TOX: variants seen among roughly 807,000 people sequenced by gnomAD.
The protein encoded by TOX is thymocyte selection-associated high mobility group box protein TOX.
TOX carries 11 observed loss-of-function variants against 53.7 expected under a neutral mutation model. The ratio of observed to expected loss-of-function variants is 0.20; its 90% CI spans 0.13 to 0.34. The LOEUF (loss-of-function observed/expected upper bound fraction) is 0.34. TOX is among the 10% of genes least tolerant of loss of function. The pLI is 1.00. For missense variants in TOX, 570 were observed against 664.6 expected (o/e 0.86, Z 1.56); for synonymous variants, 225 against 245.3 (o/e 0.92, Z 0.77).
chr8:59,025,771 A>T (rs573128017), intron 1 of TOX, among the ~76,000 whole-genome samples: 1 of 152,012 alleles, frequency 6.6e-6, no homozygotes, highest in East Asian at 1.9e-4. Flanking sequence ...TTCCCCTCCA[A>T]TTTCATCCTC....
intron 5 of TOX, among the ~76,000 whole-genome samples, chr8:58,831,812 G>A (rs1191188485): frequency 1.3e-5 from 2 of 152,130 alleles, no homozygotes; most frequent in Non-Finnish European, 2.9e-5. Context: ...ATTAGCATGT[G>A]TGCTAAGGAT....
rs1012608450 is a variant in TOX, at chr8:59,117,726, G to A, written c.102+1160C>T. Among the ~76,000 whole-genome samples the A allele has an allele frequency of 6.6e-6, 1 of 152,254 alleles. No homozygotes were observed. The highest frequency in any genetic ancestry group is 2.4e-5 in the African/African-American group (1 of 41,470). The stretch of plus-strand genomic sequence containing the variant: ...AACGATTTTTCCCGTGGAATGCACC[G>A]AGGGTCGCCATGGATGTGCCTGCAG... On this transcript the variant is annotated intron_variant, in intron 1 of 8. Coordinates refer to ENST00000361421, the MANE Select transcript of TOX (RefSeq NM_014729.3). This position sits in a 1 kb window ranked among gnomAD's most constrained non-coding sequence, Gnocchi z 4.6.
chr8:58,837,854 C>T (rs1810572117), intron 5 of TOX, among the ~76,000 whole-genome samples: 1 of 152,002 alleles, frequency 6.6e-6, no homozygotes, highest in African/African-American at 2.4e-5. Context: ...CCAAAAGTAA[C>T]TAAACTATAT....
intron 1 of TOX, among the ~76,000 whole-genome samples, chr8:59,040,911 A>G (rs1436027994): frequency 2.6e-5 from 4 of 152,224 alleles, no homozygotes; most frequent in Non-Finnish European, 4.4e-5. Flanking sequence ...AACTGTGAGC[A>G]GGACACACCC....
chr8:59,012,275 A>G (rs1483353174), intron 1 of TOX, among the ~76,000 whole-genome samples: 1 of 152,134 alleles, frequency 6.6e-6, no homozygotes, highest in African/African-American at 2.4e-5. Context: ...GTCAGATGAT[A>G]TGTTTGTAGA....
intron 1 of TOX, among the ~76,000 whole-genome samples, chr8:58,966,932 T>C (rs1191530484): frequency 6.6e-6 from 1 of 150,404 alleles, no homozygotes; most frequent in African/African-American, 2.4e-5. Flanking sequence ...TGGAGTGCAG[T>C]GGCACGATCT....
chr8:59,061,196 G>T (rs1803978241), intron 1 of TOX, among the ~76,000 whole-genome samples: 1 of 152,214 alleles, frequency 6.6e-6, no homozygotes, highest in South Asian at 2.1e-4. Flanking sequence ...GTTTGAGTGT[G>T]TGCGTGTGTA....
intron 1 of TOX, among the ~76,000 whole-genome samples, chr8:59,008,354 TA>T (rs1225629494): frequency 6.6e-6 from 1 of 152,248 alleles, no homozygotes; most frequent in South Asian, 2.1e-4. Context: ...GGATAAAGAA[TA>T]AATAAGAAAC....
chr8:58,926,390 G>A (rs1164700162), intron 3 of TOX, among the ~76,000 whole-genome samples: 1 of 152,198 alleles, frequency 6.6e-6, no homozygotes, highest in African/African-American at 2.4e-5. Flanking sequence ...CTATCAAGAT[G>A]CTTTTGTGAT....
intron 1 of TOX, among the ~76,000 whole-genome samples, chr8:59,100,852 C>T (rs534833392): frequency 2.0e-5 from 3 of 152,044 alleles, no homozygotes; most frequent in African/African-American, 7.2e-5. Context: ...GCATGAACTC[C>T]CATTTTTTAT....
chr8:58,815,084 G>T (rs1167060004), intron 7 of TOX, among the ~76,000 whole-genome samples: 2 of 148,972 alleles, frequency 1.3e-5, no homozygotes, highest in Non-Finnish European at 3.0e-5. Flanking sequence ...GGATATCATG[G>T]GAAAGAAACC....
At chr8:59,070,642 A>T (rs930845686) in intron 1 of TOX, among the ~76,000 whole-genome samples, 1 of 152,154 alleles carries the variant, frequency 6.6e-6, no homozygotes, top group Non-Finnish European at 1.5e-5. Flanking sequence ...AAGGAGAGAG[A>T]GAGAGATGCG....
chr8:58,841,293 T>C (rs528827120), intron 4 of TOX, among the ~76,000 whole-genome samples: 1 of 152,354 alleles, frequency 6.6e-6, no homozygotes, highest in Admixed American at 6.5e-5. Context: ...GATCTACTCC[T>C]GTTCGTGTGT....
chr8:59,031,228 T>C (rs545415581), intron 1 of TOX, among the ~76,000 whole-genome samples: 1 of 152,190 alleles, frequency 6.6e-6, no homozygotes, highest in Non-Finnish European at 1.5e-5. Context: ...AAAGTTCTGA[T>C]ATTTCATTAG....
In TOX at chr8:59,103,654, G is replaced by A. The variant is rs114760012; in HGVS notation, c.102+15232C>T. Among the ~76,000 whole-genome samples, 1,077 of 152,306 alleles carry A rather than the reference G, an allele frequency of 7.1e-3. 15 individuals carry two copies. Among genetic ancestry groups the A allele is most frequent in the African/African-American group, 0.025 (1,037 of 41,558 alleles). Reference sequence around the variant, plus strand: ...CCCTCCCATTCATTAGGGCACTCCAGTGGAAAAGTTGGAAAGCTTTGCTAT... The same window carrying A: ...CCCTCCCATTCATTAGGGCACTCCAATGGAAAAGTTGGAAAGCTTTGCTAT... On this transcript the variant is annotated intron_variant, in intron 1 of 8. Transcript: ENST00000361421.
At chr8:58,874,842 GAGA>G (rs1011447670) in intron 3 of TOX, among the ~76,000 whole-genome samples, 20 of 152,304 alleles carry the variant, frequency 1.3e-4, no homozygotes, top group African/African-American at 4.3e-4. Context: ...GCCACATTTG[GAGA>G]AGAACTGTCT....
intron 1 of TOX, among the ~76,000 whole-genome samples, chr8:59,051,178 A>G (rs4737534): frequency 0.19 from 29,224 of 152,050 alleles, 3,977 homozygotes; most frequent in East Asian, 0.61. Context: ...CATACTTACT[A>G]GGATATTAAA....
chr8:58,986,015 T>C (rs1401104672), intron 1 of TOX, among the ~76,000 whole-genome samples: 4 of 152,200 alleles, frequency 2.6e-5, no homozygotes, highest in Non-Finnish European at 5.9e-5. Flanking sequence ...ATTTATGTGC[T>C]CTGATTATTG....
chr8:59,044,719 C>G (rs993636753), intron 1 of TOX, among the ~76,000 whole-genome samples: 5 of 152,198 alleles, frequency 3.3e-5, no homozygotes, highest in Admixed American at 3.3e-4. Flanking sequence ...CAAAATGTAA[C>G]CCATTTCCTC....
Sources: gnomAD v4.1 joint callset for allele counts (sites outside exome capture counted in the v4.1 genomes callset) on GRCh38, gnomAD v4.1.1 for gene constraint, Gnocchi (gnomAD v3.1) non-coding constraint, MANE v1.5 for transcripts, NCBI Gene and HGNC (gene_info 2026-07-23, HGNC 2026-07-21) for gene names.